ACKR3: variants seen among roughly 807,000 people sequenced by gnomAD.
ACKR3 encodes the protein C-X-C chemokine receptor type 7.
In ACKR3, 6 loss-of-function variants were observed where a neutral mutation model predicts 22.4. The ratio of observed to expected loss-of-function variants is 0.27; its 90% CI spans 0.15 to 0.53. The LOEUF is 0.53. Ranked by LOEUF, ACKR3 falls within the 20% of genes least tolerant of loss-of-function variation. The probability of loss-of-function intolerance (pLI) is 0.96; values close to 1 mark genes in which losing one functional copy is unlikely to be tolerated. For missense variants in ACKR3, 396 were observed against 475.2 expected (o/e 0.83, Z 1.55); for synonymous variants, 209 against 205.2 (o/e 1.02, Z -0.16).
the ACKR3 span, among the ~76,000 whole-genome samples, chr2:236,548,620 G>A: frequency 6.6e-6 from 1 of 152,198 alleles, no homozygotes; most frequent in Non-Finnish European, 1.5e-5. The surrounding 1 kb of genome is among the most constrained non-coding windows in gnomAD (Gnocchi z 4.3). Context: ...ACCAATTCAG[G>A]AAGAGGACAG....
intron 1 of ACKR3, among the ~76,000 whole-genome samples, chr2:236,571,725 G>A (rs1371800368): frequency 6.6e-6 from 1 of 151,358 alleles, no homozygotes; most frequent in Non-Finnish European, 1.5e-5. Context: ...TTTTCAAGTC[G>A]ACGTGAGGGA....
At chr2:236,556,280 G>A in the ACKR3 span, among the ~76,000 whole-genome samples, 1 of 152,224 alleles carries the variant, frequency 6.6e-6, no homozygotes. Flanking sequence ...CCACGGAGAT[G>A]GGAGGTCAGT....
At chr2:236,551,952 T>G in the ACKR3 span, among the ~76,000 whole-genome samples, 5 of 152,130 alleles carry the variant, frequency 3.3e-5, no homozygotes, top group Non-Finnish European at 7.4e-5. Context: ...CTGGTCGGCC[T>G]GCTTGTCCTT....
At chr2:236,539,206 A>C in the ACKR3 span, among the ~76,000 whole-genome samples, 1 of 151,122 alleles carries the variant, frequency 6.6e-6, no homozygotes. Context: ...GTCTATTGTG[A>C]ATAATACTTC....
the ACKR3 span, among the ~76,000 whole-genome samples, chr2:236,559,602 T>C: frequency 6.6e-6 from 1 of 152,230 alleles, no homozygotes; most frequent in Non-Finnish European, 1.5e-5. Flanking sequence ...GCTTTTTTTA[T>C]TGGGGTAAAA....
At chr2:236,572,682 C>T (rs1691333857) in intron 1 of ACKR3, among the ~76,000 whole-genome samples, 1 of 152,202 alleles carries the variant, frequency 6.6e-6, no homozygotes, top group Non-Finnish European at 1.5e-5. Flanking sequence ...TGGGCCGGCC[C>T]AGACGGCAGC....
the ACKR3 span, among the ~76,000 whole-genome samples, chr2:236,561,374 C>T: frequency 6.6e-6 from 1 of 152,084 alleles, no homozygotes; most frequent in Non-Finnish European, 1.5e-5. Context: ...CAAGATCCTT[C>T]TCCATTTATT....
In ACKR3 at chr2:236,581,772, T is replaced by C. The variant is rs1559474633; in HGVS notation, c.*218T>C. ...CAGTTTTGCAACAGGCAGAGCTGTG[T>C]CGCACAGCAGTGCTGTGCGTCAGAG... On this transcript the variant is annotated 3_prime_UTR_variant, in exon 2 of 2. Transcript: ENST00000272928. This position sits in a 1 kb window ranked among gnomAD's most constrained non-coding sequence, Gnocchi z 4.4. 2 of 568,228 alleles carry C rather than the reference T, an allele frequency of 3.5e-6. No homozygotes were observed. Among genetic ancestry groups the C allele is most frequent in the East Asian group, 6.3e-5 (2 of 31,606 alleles). 35.2% of individuals were successfully genotyped at this position (568,228 alleles called of 1,614,324 possible).
At position 236,577,420 on chromosome 2, in the gene ACKR3, G is replaced by T. The variant is rs1409594188; in HGVS notation, c.-26-3020G>T. Among the ~76,000 whole-genome samples, 1 of 152,156 alleles carries T rather than the reference G, an allele frequency of 6.6e-6. No individual in the cohort carries two copies. The highest frequency in any genetic ancestry group is 1.5e-5 in the Non-Finnish European group (1 of 68,022). ...GTAGAAAGCCAAGGGCTGGATGGGG[G>T]TCCCTGAGCCCTTTTCCACCTCTCA... is the stretch of plus-strand genomic sequence containing the variant. On this transcript the variant is annotated intron_variant, in intron 1 of 1. Transcript: ENST00000272928. This position sits in a 1 kb window ranked among gnomAD's most constrained non-coding sequence, Gnocchi z 5.6.
upstream of ACKR3, chr2:236,567,986 G>T: frequency 6.5e-6 from 1 of 153,596 alleles, no homozygotes; most frequent in South Asian, 1.8e-4. Context: ...CGCGGGGCCG[G>T]GGCTGGCGGG....
upstream of ACKR3, among the ~76,000 whole-genome samples, chr2:236,563,216 G>A (rs1691106659): frequency 6.6e-6 from 1 of 152,194 alleles, no homozygotes; most frequent in African/African-American, 2.4e-5. Context: ...AAGCAGGTGG[G>A]CAAAATAGGG....
chr2:236,564,775 G>A (rs191217970), upstream of ACKR3, among the ~76,000 whole-genome samples: 3 of 152,230 alleles, frequency 2.0e-5, no homozygotes, highest in East Asian at 5.8e-4. Context: ...CTAGGTAAAA[G>A]CATGTGCCAT....
the ACKR3 span, among the ~76,000 whole-genome samples, chr2:236,547,252 TC>T: frequency 6.6e-6 from 1 of 152,206 alleles, no homozygotes; most frequent in African/African-American, 2.4e-5. Flanking sequence ...CAAATATTAT[TC>T]TTGTTTTTTT....
the ACKR3 span, among the ~76,000 whole-genome samples, chr2:236,555,182 C>T: frequency 1.3e-5 from 2 of 152,340 alleles, no homozygotes; most frequent in East Asian, 3.9e-4. Context: ...CCTTCAAATA[C>T]ATGAGCCGTT....
chr2:236,567,627 A>G (rs140897907), upstream of ACKR3, among the ~76,000 whole-genome samples: 494 of 152,250 alleles, frequency 3.2e-3, 2 homozygotes, highest in African/African-American at 0.011. Flanking sequence ...GGCCCCAAGC[A>G]CCCAGCTCCT....
intron 1 of ACKR3, among the ~76,000 whole-genome samples, chr2:236,578,776 T>C (rs140886229): frequency 2.0e-5 from 3 of 152,270 alleles, no homozygotes; most frequent in South Asian, 4.1e-4. Flanking sequence ...CAACCCAGTC[T>C]CTGTGCGAGC....
At chr2:236,551,150 G>A in the ACKR3 span, among the ~76,000 whole-genome samples, 1 of 152,198 alleles carries the variant, frequency 6.6e-6, no homozygotes, top group African/African-American at 2.4e-5. Context: ...GGGCTGGGAG[G>A]AACCCGGCGA....
the ACKR3 span, among the ~76,000 whole-genome samples, chr2:236,553,907 C>T: frequency 6.6e-6 from 1 of 152,224 alleles, no homozygotes; most frequent in Non-Finnish European, 1.5e-5. Flanking sequence ...GGAAGCTTAT[C>T]CTGTAGTGTT....
the ACKR3 span, among the ~76,000 whole-genome samples, chr2:236,554,804 A>G: frequency 3.2e-4 from 48 of 152,254 alleles, no homozygotes; most frequent in Non-Finnish European, 6.2e-4. Flanking sequence ...TCTCTCTGGC[A>G]CCCTCTCCTG....
Sources: gnomAD v4.1 joint callset for allele counts (sites outside exome capture counted in the v4.1 genomes callset) on GRCh38, gnomAD v4.1.1 for gene constraint, Gnocchi (gnomAD v3.1) non-coding constraint, MANE v1.5 for transcripts, NCBI Gene and HGNC (gene_info 2026-07-23, HGNC 2026-07-21) for gene names.